The following RHBDL3 variants were observed in gnomAD, a reference collection of about 807,000 sequenced individuals.
The protein encoded by RHBDL3 is rhomboid-related protein 3.
In RHBDL3, 28 loss-of-function variants were observed where a neutral mutation model predicts 48.2. That is an observed-to-expected ratio of 0.58 (90% confidence interval 0.43 to 0.80). The LOEUF (loss-of-function observed/expected upper bound fraction) is 0.80. Ranked by LOEUF, RHBDL3 falls within the 30% of genes least tolerant of loss-of-function variation. The pLI is 0.00. For missense variants in RHBDL3, 464 were observed against 542.7 expected (o/e 0.85, Z 1.44); for synonymous variants, 208 against 232.3 (o/e 0.90, Z 0.95).
chr17:32,271,251 A>C (rs1267047841), intron 2 of RHBDL3, among the ~76,000 whole-genome samples: 1 of 152,232 alleles, frequency 6.6e-6, no homozygotes, highest in African/African-American at 2.4e-5. Flanking sequence ...ATTCCTATCC[A>C]GCTATGCTAG....
chr17:32,276,144 AAGTC>A (rs1167272696), intron 2 of RHBDL3, among the ~76,000 whole-genome samples: 3 of 152,134 alleles, frequency 2.0e-5, no homozygotes, highest in Non-Finnish European at 4.4e-5. Context: ...ACAAATGTGA[AAGTC>A]AGTATTTTAA....
At chr17:32,293,241 G>A (rs1264617429) in intron 4 of RHBDL3, among the ~76,000 whole-genome samples, 1 of 152,032 alleles carries the variant, frequency 6.6e-6, no homozygotes, top group Non-Finnish European at 1.5e-5. Flanking sequence ...TCTGTGGATG[G>A]ATAGTAGTGA....
At chr17:32,295,897 G>A (rs2040433621) in intron 5 of RHBDL3, among the ~76,000 whole-genome samples, 1 of 152,200 alleles carries the variant, frequency 6.6e-6, no homozygotes, top group South Asian at 2.1e-4. Context: ...TGTAGTCACA[G>A]GTAGTATAGG....
chr17:32,309,352 C>T (rs950503467), intron 7 of RHBDL3, among the ~76,000 whole-genome samples: 6 of 151,348 alleles, frequency 4.0e-5, no homozygotes, highest in Non-Finnish European at 4.4e-5. Context: ...TGGGAGTTTG[C>T]GACCAGCCTG....
At chr17:32,275,832 T>TGAG (rs2039883941) in intron 2 of RHBDL3, among the ~76,000 whole-genome samples, 1 of 152,274 alleles carries the variant, frequency 6.6e-6, no homozygotes, top group East Asian at 1.9e-4. Context: ...ATAATAAAAC[T>TGAG]GGGAATCCCA....
rs780720469 is a variant in RHBDL3 at position 32,267,904 on chromosome 17, C to T, written c.114C>T (p.His38=). 2.5e-6 allele frequency: 4 copies of T among 1,613,528 alleles called. No individual in the cohort carries two copies. The highest frequency in any genetic ancestry group is 2.5e-6 in the Non-Finnish European group (3 of 1,179,510). ...TGCATGGCCTCCCTCTCTGCCAGCACTGGAAAGTCCTGTTTGATCAGGTAT... is the reference window on the plus strand; with the variant it reads ...TGCATGGCCTCCCTCTCTGCCAGCATTGGAAAGTCCTGTTTGATCAGGTAT... ...EERLPAAPED[H]WKVLFDQFDP... is the part of the protein sequence containing the mutation. Residue 38 remains histidine, a splice_region_variant and synonymous_variant, in exon 2 of 9, where the codon CAC becomes CAT. Transcript: ENST00000269051.
intron 6 of RHBDL3, among the ~76,000 whole-genome samples, chr17:32,304,196 C>T (rs1039700284): frequency 1.3e-5 from 2 of 152,190 alleles, no homozygotes; most frequent in African/African-American, 4.8e-5. Context: ...GAGGGTATGA[C>T]ATCATCTCTC....
At chr17:32,267,507 A>C (rs1265411631) in intron 1 of RHBDL3, among the ~76,000 whole-genome samples, 1 of 151,180 alleles carries the variant, frequency 6.6e-6, no homozygotes. Context: ...GCACCTGGCC[A>C]TGCTCTCCCA....
At chr17:32,281,758 T>C (rs779766940) in intron 2 of RHBDL3, among the ~76,000 whole-genome samples, 1 of 152,190 alleles carries the variant, frequency 6.6e-6, no homozygotes, top group African/African-American at 2.4e-5. Context: ...CGGGGCTGTT[T>C]CCTGATTTAA....
intron 5 of RHBDL3, among the ~76,000 whole-genome samples, chr17:32,296,242 CAAAAA>C (rs61503250): frequency 1.1e-5 from 1 of 90,580 alleles, no homozygotes; most frequent in Non-Finnish European, 2.2e-5. Flanking sequence ...GACTCCATCT[CAAAAA>C]AAAAAAAAAA....
At chr17:32,289,634 T>A (rs545083215) in intron 4 of RHBDL3, among the ~76,000 whole-genome samples, 1 of 152,224 alleles carries the variant, frequency 6.6e-6, no homozygotes, top group Non-Finnish European at 1.5e-5. Context: ...CCTATTGTTA[T>A]GCTAAATTCT....
At chr17:32,320,578 C>T (rs1214901798) in intron 8 of RHBDL3, among the ~76,000 whole-genome samples, 1 of 152,184 alleles carries the variant, frequency 6.6e-6, no homozygotes, top group Non-Finnish European at 1.5e-5. Flanking sequence ...CCCGCCTCGG[C>T]CTCCCAAAGT....
At chr17:32,282,499 G>A (rs1035813431) in intron 2 of RHBDL3, among the ~76,000 whole-genome samples, 5 of 152,224 alleles carry the variant, frequency 3.3e-5, no homozygotes, top group African/African-American at 7.2e-5. Context: ...CCAGGAGGTC[G>A]AGGCTTCAGT....
chr17:32,318,591 C>G (rs777124064), intron 8 of RHBDL3, among the ~76,000 whole-genome samples: 4 of 151,782 alleles, frequency 2.6e-5, no homozygotes, highest in Non-Finnish European at 5.9e-5. Flanking sequence ...ACTCCAGGCT[C>G]AGAGAGTTAG....
At chr17:32,305,550 C>T in intron 7 of RHBDL3, 109 bp downstream of exon 7, 1 of 772,780 alleles carries the variant, frequency 1.3e-6, no homozygotes, top group Non-Finnish European at 2.3e-6. Flanking sequence ...GCAGACCTGA[C>T]CTGGAGCAGA....
chr17:32,271,698 A>G (rs1053533250), intron 2 of RHBDL3, among the ~76,000 whole-genome samples: 2 of 152,204 alleles, frequency 1.3e-5, no homozygotes, highest in South Asian at 2.1e-4. Context: ...CGTTAAGTCA[A>G]CAAAGCACAA....
intron 4 of RHBDL3, among the ~76,000 whole-genome samples, chr17:32,289,624 C>T (rs2040279580): frequency 6.6e-6 from 1 of 152,170 alleles, no homozygotes; most frequent in African/African-American, 2.4e-5. Flanking sequence ...ATCCTCTGTG[C>T]CTATTGTTAT....
chr17:32,273,975 A>G (rs1345336585), intron 2 of RHBDL3, among the ~76,000 whole-genome samples: 1 of 152,174 alleles, frequency 6.6e-6, no homozygotes, highest in Non-Finnish European at 1.5e-5. Context: ...GCCTCAAGCG[A>G]TCTGCCTGCC....
intron 6 of RHBDL3, 106 bp downstream of exon 6, chr17:32,298,310 C>A: frequency 1.5e-6 from 1 of 675,504 alleles, no homozygotes; most frequent in Non-Finnish European, 2.6e-6. Flanking sequence ...ACAGAAGATC[C>A]TCATCTCCAA....
Sources: gnomAD v4.1 joint callset for allele counts (sites outside exome capture counted in the v4.1 genomes callset) on GRCh38, gnomAD v4.1.1 for gene constraint, MANE v1.5 for transcripts, NCBI Gene and HGNC (gene_info 2026-07-23, HGNC 2026-07-21) for gene names.